The following SPTLC3 variants were observed in gnomAD, a reference collection of about 807,000 sequenced individuals.
SPTLC3 encodes serine palmitoyltransferase 3.
In SPTLC3, 36 loss-of-function variants were observed where a neutral mutation model predicts 59.3. The ratio of observed to expected loss-of-function variants is 0.61; its 90% confidence interval spans 0.47 to 0.80. The LOEUF (loss-of-function observed/expected upper bound fraction) is 0.80. Among genes scored for constraint, SPTLC3 ranks in the 30% least tolerant of loss-of-function variants. The pLI is 0.00. For missense variants in SPTLC3, 625 were observed against 685.1 expected, an observed-to-expected ratio of 0.91 and a Z score of 0.98; for synonymous variants, 257 against 240.8, an observed-to-expected ratio of 1.07 and a Z score of -0.62.
chr20:13,063,030 G>A (rs1415416813), intron 2 of SPTLC3, among the ~76,000 whole-genome samples: 5 of 152,180 alleles, frequency 3.3e-5, no homozygotes, highest in Admixed American at 1.3e-4. Flanking sequence ...TGCCTAGACC[G>A]ACTCCAGTGA....
intron 9 of SPTLC3, among the ~76,000 whole-genome samples, chr20:13,133,605 A>G (rs2038176481): frequency 6.6e-6 from 1 of 152,126 alleles, no homozygotes; most frequent in African/African-American, 2.4e-5. Context: ...ATGGTGGCAC[A>G]AACCTGTAAT....
Position 13,093,537 on chromosome 20 carries a change from C to T in SPTLC3, c.786C>T (p.Ala262=), listed in dbSNP as rs749286174. ...ELNHTSLVLG[A]RLSGATIRIF... is the part of the protein sequence containing the mutation. Reference sequence around the variant, plus strand: ...ACCACACATCGCTTGTGCTTGGGGCCCGACTCTCAGGTGCAACCATAAGAA... The same window carrying T: ...ACCACACATCGCTTGTGCTTGGGGCTCGACTCTCAGGTGCAACCATAAGAA... The change falls in exon 6 of 12, where the codon GCC becomes GCT. Residue 262 remains alanine (A), a synonymous_variant. Transcript: ENST00000399002. The T allele has an allele frequency of 6.2e-7, 1 of 1,613,574 alleles. No individual in the cohort carries two copies. The highest frequency in any genetic ancestry group is 1.3e-5 in the African/African-American group (1 of 74,992).
intron 2 of SPTLC3, among the ~76,000 whole-genome samples, chr20:13,056,160 C>T (rs1485553174): frequency 1.3e-5 from 2 of 152,118 alleles, no homozygotes; most frequent in African/African-American, 4.8e-5. Context: ...AAGAACTGCT[C>T]GAACCGCCCC....
At chr20:13,068,763 AC>A (rs201314619) in intron 2 of SPTLC3, among the ~76,000 whole-genome samples, 16 of 131,840 alleles carry the variant, frequency 1.2e-4, no homozygotes, top group African/African-American at 3.3e-4. Context: ...AAAAAAAAAA[AC>A]AACAACAACA....
chr20:13,039,424 G>A (rs1005540461), intron 1 of SPTLC3, among the ~76,000 whole-genome samples: 22 of 151,976 alleles, frequency 1.4e-4, no homozygotes. Flanking sequence ...TACTACTATA[G>A]CAATTTCAGC....
At chr20:13,045,015 AC>A (rs68005647) in intron 1 of SPTLC3, among the ~76,000 whole-genome samples, 18,730 of 151,796 alleles carry the variant, frequency 0.12, 1,230 homozygotes, top group Middle Eastern at 0.22. Context: ...ACACACACAC[AC>A]ACACACACAC....
At chr20:13,123,751 A>G (rs1014847220) in intron 8 of SPTLC3, among the ~76,000 whole-genome samples, 5 of 152,104 alleles carry the variant, frequency 3.3e-5, no homozygotes, top group Non-Finnish European at 7.4e-5. Flanking sequence ...CTCTGCATCT[A>G]TCCAAATCTC....
chr20:13,117,567 T>C lies in SPTLC3; in HGVS notation c.994T>C (p.Tyr332His). The C allele has an allele frequency of 6.2e-7, 1 of 1,613,194 alleles. No homozygotes were observed. The highest frequency in any genetic ancestry group is 1.1e-5 in the South Asian group (1 of 90,912). ...AGCTCTAAAGAAGAAATACAAGGCT[T>C]ACCTCTACATAGATGAAGCTCACAG... ...IIALKKKYKA[Y>H]LYIDEAHSIG... The change falls in exon 8 of 12, where the codon TAC becomes CAC. Residue 332 changes from tyrosine to histidine, a missense_variant. Transcript: ENST00000399002.
rs921113217 is a variant in SPTLC3, at chr20:13,164,797, A to G, written c.1589A>G (p.Lys530Arg). ...GAAATGGGTGATCTCTTGCAACTGA[A>G]ATATTCCCGGCACAAGAAGTCAGCA... ...LDEMGDLLQL[K>R]YSRHKKSARP... The change falls in exon 12 of 12, where the codon AAA becomes AGA. Residue 530 changes from lysine to arginine, a missense_variant. Coordinates refer to ENST00000399002, the MANE Select transcript of SPTLC3 (RefSeq NM_018327.4). The G allele has an allele frequency of 3.7e-6, 6 of 1,613,740 alleles. No homozygotes were observed. In the African/African-American group the frequency reaches 8.0e-5, roughly 22 times the overall value.
At chr20:13,036,612 G>C (rs1393579630) in intron 1 of SPTLC3, among the ~76,000 whole-genome samples, 1 of 152,088 alleles carries the variant, frequency 6.6e-6, no homozygotes, top group Non-Finnish European at 1.5e-5. Context: ...TTTTTGGAAA[G>C]TTTAAAGTTA....
chr20:13,153,717 A>G (rs1238089041), intron 9 of SPTLC3, among the ~76,000 whole-genome samples: 1 of 152,166 alleles, frequency 6.6e-6, no homozygotes, highest in Non-Finnish European at 1.5e-5. Context: ...TATACAAAAT[A>G]GATACCTCCC....
intron 6 of SPTLC3, among the ~76,000 whole-genome samples, chr20:13,104,356 G>A (rs773386463): frequency 2.0e-5 from 3 of 152,070 alleles, no homozygotes; most frequent in African/African-American, 4.8e-5. Context: ...TACTGTTCTC[G>A]TGGTAGTGAA....
intron 5 of SPTLC3, among the ~76,000 whole-genome samples, chr20:13,092,048 G>A (rs920621153): frequency 5.9e-5 from 9 of 152,280 alleles, no homozygotes; most frequent in East Asian, 3.9e-4. Flanking sequence ...GCCCATATAC[G>A]AGGAAGGACA....
rs1266425396 is a variant in SPTLC3 at position 13,137,042 on chromosome 20, T to C, written c.1279+10325T>C. 7.2e-5 allele frequency among the ~76,000 whole-genome samples: 11 copies of C among 152,252 alleles called. No individual in the cohort carries two copies. The East Asian group carries it at 1.7e-3, about 24-fold the overall frequency. ...TTTAAGAAAGCCAATAAGAGAAGGA[T>C]GGGGAAATTGAGTCTGCAAATTAGA... On this transcript the variant is annotated intron_variant, in intron 9 of 11. Coordinates refer to ENST00000399002, the MANE Select transcript of SPTLC3 (RefSeq NM_018327.4).
intron 9 of SPTLC3, among the ~76,000 whole-genome samples, chr20:13,140,130 G>C (rs1025132951): frequency 6.6e-6 from 1 of 152,358 alleles, no homozygotes; most frequent in East Asian, 1.9e-4. Context: ...AGTCATGCCA[G>C]AGGAGGGGAG....
intron 9 of SPTLC3, among the ~76,000 whole-genome samples, chr20:13,137,890 C>T (rs2038286695): frequency 6.6e-6 from 1 of 152,142 alleles, no homozygotes; most frequent in African/African-American, 2.4e-5. Context: ...TGACTCCAAA[C>T]ATAGGTCCCC....
At chr20:13,120,165 A>T (rs1395272167) in intron 8 of SPTLC3, among the ~76,000 whole-genome samples, 1 of 152,198 alleles carries the variant, frequency 6.6e-6, no homozygotes, top group African/African-American at 2.4e-5. Flanking sequence ...TACTTCTACT[A>T]GTATGTTTAA....
intron 2 of SPTLC3, among the ~76,000 whole-genome samples, chr20:13,052,074 T>C (rs1392553882): frequency 2.0e-5 from 3 of 152,044 alleles, no homozygotes; most frequent in Non-Finnish European, 4.4e-5. Flanking sequence ...ATAACCAGTG[T>C]GGCTGGCAAG....
intron 4 of SPTLC3, among the ~76,000 whole-genome samples, chr20:13,084,807 A>C (rs1016848898): frequency 6.6e-6 from 1 of 152,204 alleles, no homozygotes; most frequent in Admixed American, 6.5e-5. Flanking sequence ...TAAATTAAGC[A>C]ATCATGGTAC....
Sources: gnomAD v4.1 joint callset for allele counts (sites outside exome capture counted in the v4.1 genomes callset) on GRCh38, gnomAD v4.1.1 for gene constraint, MANE v1.5 for transcripts, NCBI Gene and HGNC (gene_info 2026-07-23, HGNC 2026-07-21) for gene names.